Variants in WDR7 observed in about 807,000 individuals in gnomAD.
WDR7 encodes the protein WD repeat domain 7.
Under a neutral mutation model 169.4 loss-of-function variants are expected in WDR7, and 46 were observed. That is an observed-to-expected ratio of 0.27 (90% CI 0.21 to 0.35). The LOEUF (loss-of-function observed/expected upper bound fraction) is 0.35, where lower values mean the gene tolerates loss of function less well. Ranked by LOEUF, WDR7 falls within the 10% of genes least tolerant of loss-of-function variation. WDR7 has a pLI of 1.00. For missense variants in WDR7, 1,534 were observed against 1,859.3 expected (o/e 0.83, Z 3.22); for synonymous variants, 612 against 666.8 (o/e 0.92, Z 1.27).
intron 20 of WDR7, among the ~76,000 whole-genome samples, chr18:56,828,302 A>G (rs142416750): frequency 2.0e-5 from 3 of 152,326 alleles, no homozygotes; most frequent in African/African-American, 7.2e-5. Flanking sequence ...GTTGAATTTG[A>G]CCATGAAGGT....
At chr18:56,815,947 A>T in intron 19 of WDR7, 84 bp from the exon 20 acceptor site, 2 of 1,100,452 alleles carry the variant, frequency 1.8e-6, no homozygotes, top group South Asian at 1.6e-5. Context: ...TATGTCCATT[A>T]AGTAAATTAA....
At chr18:56,962,605 A>G in intron 26 of WDR7, 76 bp downstream of exon 26, 1 of 1,331,132 alleles carries the variant, frequency 7.5e-7, no homozygotes, top group Non-Finnish European at 1.1e-6. Context: ...GCACTTCACC[A>G]GTTGACGTGC....
At chr18:57,006,263 C>T (rs1657404) in intron 26 of WDR7, among the ~76,000 whole-genome samples, 50,294 of 151,602 alleles carry the variant, frequency 0.33, 9,019 homozygotes, top group African/African-American at 0.46. Context: ...AAACAGAGAG[C>T]ATCACAGGAT....
At chr18:57,008,422 C>T (rs928025329) in intron 26 of WDR7, among the ~76,000 whole-genome samples, 7 of 152,194 alleles carry the variant, frequency 4.6e-5, no homozygotes, top group Non-Finnish European at 8.8e-5. Context: ...CACAAGAAGG[C>T]GGCTTATAGC....
chr18:56,943,499 G>T (rs1311447822), intron 25 of WDR7, among the ~76,000 whole-genome samples: 1 of 152,074 alleles, frequency 6.6e-6, no homozygotes, highest in Non-Finnish European at 1.5e-5. Context: ...CTTCATAAAT[G>T]AAATATTTAT....
intron 25 of WDR7, among the ~76,000 whole-genome samples, chr18:56,959,610 C>T (rs2047309097): frequency 6.6e-6 from 1 of 152,132 alleles, no homozygotes; most frequent in African/African-American, 2.4e-5. Flanking sequence ...ACCAAGACAC[C>T]ATTTCCAGAA....
chr18:56,686,254 A>G (rs192391063), intron 6 of WDR7, among the ~76,000 whole-genome samples: 1 of 152,314 alleles, frequency 6.6e-6, no homozygotes, highest in Non-Finnish European at 1.5e-5. Flanking sequence ...TGGATATAAA[A>G]TAGAGAAACA....
chr18:56,862,204 A>G (rs945358114), intron 20 of WDR7, among the ~76,000 whole-genome samples: 1 of 151,948 alleles, frequency 6.6e-6, no homozygotes. Context: ...GGAAGTCTGC[A>G]TACTTTATTT....
At chr18:56,891,900 A>G (rs140568622) in intron 21 of WDR7, among the ~76,000 whole-genome samples, 653 of 152,144 alleles carry the variant, frequency 4.3e-3, no homozygotes, top group Non-Finnish European at 6.8e-3. Flanking sequence ...TTATTACCTT[A>G]TTTCTCATTT....
intron 1 of WDR7, among the ~76,000 whole-genome samples, chr18:56,666,465 G>A (rs892368468): frequency 1.3e-5 from 2 of 152,078 alleles, no homozygotes; most frequent in Admixed American, 6.5e-5. Flanking sequence ...GCCTCCCAAA[G>A]TGCTGGGATT....
intron 12 of WDR7, among the ~76,000 whole-genome samples, chr18:56,703,556 C>A (rs966761593): frequency 5.3e-5 from 8 of 152,112 alleles, no homozygotes; most frequent in Non-Finnish European, 7.4e-5. Context: ...ACATAATGTT[C>A]TGTGTCATCC....
intron 20 of WDR7, among the ~76,000 whole-genome samples, chr18:56,831,897 A>C (rs2045315570): frequency 6.6e-6 from 1 of 152,172 alleles, no homozygotes; most frequent in South Asian, 2.1e-4. Flanking sequence ...TTTCAAGCAC[A>C]AAACTGGGTG....
intron 22 of WDR7, among the ~76,000 whole-genome samples, chr18:56,935,238 G>T (rs1173401786): frequency 6.6e-6 from 1 of 152,128 alleles, no homozygotes; most frequent in Non-Finnish European, 1.5e-5. Context: ...CTGTTTAGTA[G>T]ATTGGTTCTA....
At chr18:56,695,758 C>T (rs1397148654) in intron 11 of WDR7, among the ~76,000 whole-genome samples, 1 of 152,166 alleles carries the variant, frequency 6.6e-6, no homozygotes, top group Admixed American at 6.5e-5. Context: ...TGGTCTCGAA[C>T]TCCTGACCTC....
intron 16 of WDR7, among the ~76,000 whole-genome samples, chr18:56,774,410 C>T (rs758483216): frequency 3.9e-5 from 6 of 151,994 alleles, no homozygotes; most frequent in Non-Finnish European, 7.4e-5. Flanking sequence ...GCAGTTGAAG[C>T]GGCTCAGATA....
intron 20 of WDR7, among the ~76,000 whole-genome samples, chr18:56,844,065 G>A (rs1212526949): frequency 6.6e-6 from 1 of 151,720 alleles, no homozygotes; most frequent in Non-Finnish European, 1.5e-5. Flanking sequence ...GCTTCACCAT[G>A]TTGGTCAGGC....
intron 16 of WDR7, among the ~76,000 whole-genome samples, chr18:56,772,328 C>CCTGA (rs1355015328): frequency 1.3e-5 from 2 of 152,122 alleles, no homozygotes; most frequent in Non-Finnish European, 2.9e-5. Context: ...GCACTTGTGA[C>CCTGA]CTGACATGGT....
At chr18:56,914,293 G>A (rs2046593752) in intron 21 of WDR7, among the ~76,000 whole-genome samples, 2 of 152,096 alleles carry the variant, frequency 1.3e-5, no homozygotes, top group Admixed American at 1.3e-4. Flanking sequence ...TCACTTTCTA[G>A]GATCTTACCC....
At chr18:56,885,859 C>T (rs544067532) in intron 21 of WDR7, among the ~76,000 whole-genome samples, 3 of 151,046 alleles carry the variant, frequency 2.0e-5, no homozygotes, top group Non-Finnish European at 4.4e-5. Context: ...CTTCAGAACT[C>T]GAACACAAGG....
Sources: gnomAD v4.1 joint callset for allele counts (sites outside exome capture counted in the v4.1 genomes callset) on GRCh38, gnomAD v4.1.1 for gene constraint, MANE v1.5 for transcripts, NCBI Gene and HGNC (gene_info 2026-07-23, HGNC 2026-07-21) for gene names.